IL10RB: variants seen among roughly 807,000 people sequenced by gnomAD.
The protein encoded by IL10RB is interleukin-10 receptor subunit beta.
In IL10RB, 30 loss-of-function variants were observed where a neutral mutation model predicts 38.7. The ratio of observed to expected loss-of-function variants is 0.78; its 90% CI spans 0.58 to 1.05. The LOEUF is 1.05. Among genes scored for constraint, IL10RB ranks in the 50% least tolerant of loss-of-function variants. The pLI, the probability that IL10RB is intolerant of heterozygous loss-of-function variation, is 0.00. For missense variants in IL10RB, 328 were observed against 397.1 expected (o/e 0.83, Z 1.48); for synonymous variants, 142 against 145.9 (o/e 0.97, Z 0.19).
chr21:33,288,373 G>GCA, intron 6 of IL10RB, 112 bp downstream of exon 6: 1 of 255,174 alleles, frequency 3.9e-6, no homozygotes, highest in Non-Finnish European at 7.1e-6. Flanking sequence ...AAACACACAC[G>GCA]CGCGCGCGCA....
chr21:33,301,714 A>G (rs1157512818), downstream of IL10RB, among the ~76,000 whole-genome samples: 1 of 152,104 alleles, frequency 6.6e-6, no homozygotes, highest in East Asian at 1.9e-4. Context: ...GCACTTTTAC[A>G]TTTTCATTTA....
chr21:33,274,889 C>T (rs1399020652), intron 2 of IL10RB, among the ~76,000 whole-genome samples: 1 of 152,178 alleles, frequency 6.6e-6, no homozygotes, highest in Non-Finnish European at 1.5e-5. Flanking sequence ...TTCTTTGAAG[C>T]TTTGAAGCCA....
downstream of IL10RB, among the ~76,000 whole-genome samples, chr21:33,301,934 A>C (rs2082986951): frequency 6.6e-6 from 1 of 152,202 alleles, no homozygotes; most frequent in South Asian, 2.1e-4. Flanking sequence ...CACACCCTTG[A>C]GTAATCCCTT....
chr21:33,266,555 A>C (rs1988948089), intron 1 of IL10RB, 41 bp downstream of exon 1: 1 of 1,530,540 alleles, frequency 6.5e-7, no homozygotes, highest in Admixed American at 2.0e-5. Flanking sequence ...GGGAACCGGG[A>C]GGCCCCGCGA....
chr21:33,303,329 T>C (rs1230436489), intron 1 of IL10RB, among the ~76,000 whole-genome samples: 1 of 150,516 alleles, frequency 6.6e-6, no homozygotes, highest in African/African-American at 2.4e-5. Flanking sequence ...CAGTGAGTGA[T>C]GAGGGCTTCA....
intron 6 of IL10RB, among the ~76,000 whole-genome samples, chr21:33,290,181 C>T (rs1237380892): frequency 1.3e-5 from 2 of 151,438 alleles, no homozygotes; most frequent in African/African-American, 4.9e-5. Flanking sequence ...ATCCCAGCTA[C>T]TCGGGAGACT....
chr21:33,286,508 G>A (rs960670517), intron 5 of IL10RB, among the ~76,000 whole-genome samples: 1 of 152,128 alleles, frequency 6.6e-6, no homozygotes, highest in Admixed American at 6.5e-5. Context: ...GATAAGCAAA[G>A]CAGGACGCTA....
rs1989522122 is a variant in IL10RB, at chr21:33,293,128, G to A, written c.805-3056G>A. Reference sequence around the variant, plus strand: ...TGCAAGGGTCCCCTCAAATATCACAGATGTGGCAGGTCCCTGAATCTCTAC... The same window carrying A: ...TGCAAGGGTCCCCTCAAATATCACAAATGTGGCAGGTCCCTGAATCTCTAC... On this transcript the variant is annotated intron_variant, in intron 6 of 6. Coordinates refer to ENST00000290200, the MANE Select transcript of IL10RB (RefSeq NM_000628.5). Among the ~76,000 whole-genome samples, 3 of 152,360 alleles carry A rather than the reference G, an allele frequency of 2.0e-5. No homozygotes were observed. In the South Asian group the frequency reaches 6.2e-4, roughly 32 times the overall value.
intron 2 of IL10RB, among the ~76,000 whole-genome samples, chr21:33,269,722 G>A (rs995574657): frequency 1.3e-5 from 2 of 149,244 alleles, no homozygotes; most frequent in Admixed American, 6.7e-5. Context: ...GCAGTGGCGC[G>A]ATCTCGGCTC....
chr21:33,306,954 C>G (rs2083000392), intron 1 of IL10RB, among the ~76,000 whole-genome samples: 1 of 151,960 alleles, frequency 6.6e-6, no homozygotes, highest in African/African-American at 2.4e-5. Context: ...GGTAACCTTC[C>G]ACTTCTTCTT....
At chr21:33,301,766 T>C (rs1169574194), downstream of IL10RB, among the ~76,000 whole-genome samples, 1 of 152,248 alleles carries the variant, frequency 6.6e-6, no homozygotes. Flanking sequence ...ATTATCTGCC[T>C]CATTTTTCAG....
Position 33,309,442 on chromosome 21 carries a change from A to G in IL10RB, c.*461A>G, listed in dbSNP as rs562288406. On this transcript the variant is annotated 3_prime_UTR_variant, in exon 2 of 2. Transcript: ENST00000609556. ...CCTTATGACCAACACTCACAATTCT[A>G]TGGTCTTAGCAGTTGCACTAAGAAG... 7 of 152,344 alleles carry G rather than the reference A, an allele frequency of 4.6e-5. No homozygotes were observed. In the South Asian group the frequency reaches 1.5e-3, roughly 32 times the overall value. 9.4% of individuals were successfully genotyped at this position (152,344 alleles called of 1,614,324 possible).
chr21:33,289,119 A>G (rs1192594290), intron 6 of IL10RB, among the ~76,000 whole-genome samples: 1 of 152,152 alleles, frequency 6.6e-6, no homozygotes, highest in East Asian at 1.9e-4. Flanking sequence ...GGCAAGAGGG[A>G]TGGGCGTGTG....
chr21:33,295,312 C>A (rs540405811), intron 6 of IL10RB, among the ~76,000 whole-genome samples: 2 of 140,732 alleles, frequency 1.4e-5, no homozygotes, highest in African/African-American at 5.4e-5. Context: ...GAGCTGAGAT[C>A]GCACCACTGC....
chr21:33,295,164 G>C (rs570623527), intron 6 of IL10RB, among the ~76,000 whole-genome samples: 1 of 152,012 alleles, frequency 6.6e-6, no homozygotes, highest in African/African-American at 2.4e-5. Flanking sequence ...AGGAGATCGA[G>C]ACCATCCTAG....
chr21:33,279,985 G>GCTGCCACCTT, intron 4 of IL10RB, 67 bp downstream of exon 4: 2 of 1,412,286 alleles, frequency 1.4e-6, no homozygotes, highest in Non-Finnish European at 2.0e-6. Context: ...CTTGCAAGGT[G>GCTGCCACCTT]GCAGCACCTT....
At chr21:33,295,228 G>T (rs2082959467) in intron 6 of IL10RB, among the ~76,000 whole-genome samples, 2 of 152,000 alleles carry the variant, frequency 1.3e-5, no homozygotes. Context: ...CAAGGTGGTG[G>T]GCGCCTATAG....
intron 1 of IL10RB, among the ~76,000 whole-genome samples, chr21:33,267,518 GT>G (rs757034791): frequency 0.011 from 487 of 45,068 alleles, 14 homozygotes; most frequent in African/African-American, 0.018. Context: ...TTGTTTTTTT[GT>G]TTTTTTTTGA....
At chr21:33,304,626 C>T (rs1380861531) in intron 1 of IL10RB, among the ~76,000 whole-genome samples, 1 of 152,210 alleles carries the variant, frequency 6.6e-6, no homozygotes, top group Non-Finnish European at 1.5e-5. Flanking sequence ...TTTGAGCATG[C>T]GCACTCTCCT....
Sources: allele counts gnomAD v4.1 joint callset (sites outside exome capture counted in the v4.1 genomes callset), GRCh38; gene constraint gnomAD v4.1.1; transcripts MANE v1.5; gene names NCBI Gene and HGNC (gene_info 2026-07-23, HGNC 2026-07-21).